MCF2L2: variants seen among roughly 807,000 people sequenced by gnomAD.
MCF2L2 encodes the protein probable guanine nucleotide exchange factor MCF2L2.
MCF2L2 carries 102 observed loss-of-function variants against 150.2 expected under a neutral mutation model. That is an observed-to-expected ratio of 0.68 (90% CI 0.58 to 0.80). MCF2L2 has a LOEUF of 0.80. Ranked by LOEUF, MCF2L2 falls within the 30% of genes least tolerant of loss-of-function variation. The pLI, the probability that MCF2L2 is intolerant of heterozygous loss-of-function variation, is 0.00. For synonymous variants in MCF2L2, 465 were observed against 491.3 expected (o/e 0.95, Z 0.71); for missense variants, 1,256 against 1,372.8 (o/e 0.91, Z 1.34).
intron 22 of MCF2L2, among the ~76,000 whole-genome samples, chr3:183,209,960 T>C (rs1469082323): frequency 6.6e-6 from 1 of 151,996 alleles, no homozygotes; most frequent in Non-Finnish European, 1.5e-5. Context: ...TCCAAAACAC[T>C]TTTGGCCTCA....
chr3:183,294,132 A>C (rs1728322497), intron 13 of MCF2L2, among the ~76,000 whole-genome samples: 1 of 152,140 alleles, frequency 6.6e-6, no homozygotes, highest in Admixed American at 6.5e-5. Context: ...AAAAAGAACA[A>C]CGTTGGAACA....
At chr3:183,212,515 C>T (rs1045011568) in intron 22 of MCF2L2, among the ~76,000 whole-genome samples, 7 of 152,182 alleles carry the variant, frequency 4.6e-5, no homozygotes, top group Admixed American at 4.6e-4. Flanking sequence ...CCTGGGCATT[C>T]TGCAGGTAAG....
At chr3:183,327,624 G>A (rs1240098432) in intron 5 of MCF2L2, among the ~76,000 whole-genome samples, 5 of 152,124 alleles carry the variant, frequency 3.3e-5, no homozygotes, top group Admixed American at 1.3e-4. Flanking sequence ...GAATAAGCAC[G>A]TAGTTTACTA....
At chr3:183,286,147 A>G (rs1727780270) in intron 14 of MCF2L2, among the ~76,000 whole-genome samples, 2 of 152,202 alleles carry the variant, frequency 1.3e-5, no homozygotes, top group South Asian at 4.1e-4. Context: ...TCACCCCTCC[A>G]GAAAAGGAAA....
At chr3:183,392,490 A>T (rs761427094) in intron 1 of MCF2L2, among the ~76,000 whole-genome samples, 3 of 152,198 alleles carry the variant, frequency 2.0e-5, no homozygotes, top group Non-Finnish European at 2.9e-5. Context: ...CTATCAAATG[A>T]ACAGGACTAA....
intron 14 of MCF2L2, among the ~76,000 whole-genome samples, chr3:183,282,644 CT>C (rs140313070): frequency 0.019 from 2,931 of 152,292 alleles, 57 homozygotes; most frequent in East Asian, 0.051. Flanking sequence ...GCCCGTACAT[CT>C]TTGAATCTTC....
chr3:183,282,169 A>ATTTATTTTAT (rs569890962), intron 14 of MCF2L2, among the ~76,000 whole-genome samples: 3,511 of 150,378 alleles, frequency 0.023, 154 homozygotes, highest in African/African-American at 0.079. Context: ...TATTATTATT[A>ATTTATTTTAT]TTTATTTTAT....
intron 13 of MCF2L2, among the ~76,000 whole-genome samples, chr3:183,294,753 C>T (rs1388473343): frequency 3.3e-5 from 5 of 151,276 alleles, no homozygotes; most frequent in African/African-American, 7.3e-5. Context: ...CTCAGCCTCC[C>T]GAGTAGCTGG....
chr3:183,341,730 G>A (rs1422069467), intron 3 of MCF2L2, 100 bp from the exon 4 acceptor site: 1 of 790,004 alleles, frequency 1.3e-6, no homozygotes, highest in East Asian at 2.5e-5. Flanking sequence ...CAGCACTCCA[G>A]GCTCACCGTG....
rs917114587 is a variant in MCF2L2, at chr3:183,256,064, G to A, written c.1862+20808C>T. Among the ~76,000 whole-genome samples, 4 of 152,310 alleles carry A rather than the reference G, an allele frequency of 2.6e-5. No homozygotes were observed. The East Asian group carries it at 7.7e-4, about 29-fold the overall frequency. ...CAGAGGGAAATTGTCTCTTCTCAGA[G>A]TAACAAAATGTCCCCTATTCAGGGG... On this transcript the variant is annotated intron_variant, in intron 15 of 29. Transcript: ENST00000328913.
chr3:183,328,519 T>TG (rs373229992), intron 5 of MCF2L2, among the ~76,000 whole-genome samples: 21 of 146,618 alleles, frequency 1.4e-4, no homozygotes, highest in Middle Eastern at 3.5e-3. Context: ...CTGCTTGGTG[T>TG]GAAAAAAAAA....
At chr3:183,196,344 C>T (rs1233332746) in intron 25 of MCF2L2, among the ~76,000 whole-genome samples, 1 of 152,124 alleles carries the variant, frequency 6.6e-6, no homozygotes, top group African/African-American at 2.4e-5. Flanking sequence ...TTATGCTTAA[C>T]AATCCACAAA....
Position 183,383,132 on chromosome 3 carries a change from G to C in MCF2L2, c.161-3721C>G, listed in dbSNP as rs372518848. On this transcript the variant is annotated intron_variant, in intron 2 of 29. Transcript: ENST00000328913. ...GTGACTTCCAAATGTCTTACCAGAGGCTTAATTTAAGTGAAAAATCCATTT... is the reference window on the plus strand; with the variant it reads ...GTGACTTCCAAATGTCTTACCAGAGCCTTAATTTAAGTGAAAAATCCATTT... Among the ~76,000 whole-genome samples the C allele has an allele frequency of 2.6e-3, 389 of 152,172 alleles. 1 individual carries two copies. The highest frequency in any genetic ancestry group is 0.017 in the Middle Eastern group (5 of 294).
At chr3:183,231,110 T>C (rs965658073) in intron 15 of MCF2L2, 93 bp from the exon 16 acceptor site, 6 of 959,094 alleles carry the variant, frequency 6.3e-6, no homozygotes, top group Non-Finnish European at 1.0e-5. Flanking sequence ...TGCTCATCAA[T>C]ACAGTTCCCT....
chr3:183,204,120 C>T (rs758839335), intron 25 of MCF2L2, among the ~76,000 whole-genome samples: 3 of 152,018 alleles, frequency 2.0e-5, no homozygotes, highest in African/African-American at 4.8e-5. Context: ...AAAATTAACT[C>T]GGAATGAGTC....
At chr3:183,249,517 C>A (rs1166517421) in intron 15 of MCF2L2, among the ~76,000 whole-genome samples, 1 of 152,196 alleles carries the variant, frequency 6.6e-6, no homozygotes, top group African/African-American at 2.4e-5. Flanking sequence ...AGGCCCCTCC[C>A]CCATGCAGAA....
intron 22 of MCF2L2, among the ~76,000 whole-genome samples, chr3:183,210,892 C>T (rs1200290229): frequency 6.6e-6 from 1 of 152,192 alleles, no homozygotes; most frequent in East Asian, 1.9e-4. Flanking sequence ...GAGGTACCAG[C>T]AGCTGACCAT....
chr3:183,252,551 T>C (rs1034181398), intron 15 of MCF2L2, among the ~76,000 whole-genome samples: 1 of 152,220 alleles, frequency 6.6e-6, no homozygotes, highest in Non-Finnish European at 1.5e-5. Context: ...GGTCTTGCTA[T>C]GTTGGCCACG....
intron 27 of MCF2L2, chr3:183,180,379 T>C: frequency 2.0e-6 from 1 of 510,866 alleles, no homozygotes; most frequent in South Asian, 3.0e-5. Flanking sequence ...AGAAGGCGCG[T>C]CCACATGCTG....
Sources: gnomAD v4.1 joint callset for allele counts (sites outside exome capture counted in the v4.1 genomes callset) on GRCh38, gnomAD v4.1.1 for gene constraint, MANE v1.5 for transcripts, NCBI Gene and HGNC (gene_info 2026-07-23, HGNC 2026-07-21) for gene names.